PSMD11: variants seen among roughly 807,000 people sequenced by gnomAD.
PSMD11 encodes proteasome 26S subunit, non-ATPase 11, also known as 26S proteasome non-ATPase regulatory subunit 11.
PSMD11 carries 5 observed loss-of-function variants against 62.3 expected under a neutral mutation model. That is an observed-to-expected ratio of 0.08 (90% CI 0.04 to 0.17). The LOEUF is 0.17. Ranked by LOEUF, PSMD11 falls within the 10% of genes least tolerant of loss-of-function variation. PSMD11 has a pLI of 1.00. For synonymous variants in PSMD11, 191 were observed against 191.8 expected, an observed-to-expected ratio of 1.00 and a Z score of 0.03; for missense variants, 310 against 512.9, an observed-to-expected ratio of 0.60 and a Z score of 3.82.
chr17:32,454,015 A>G (rs1190782360), intron 2 of PSMD11, among the ~76,000 whole-genome samples: 1 of 152,228 alleles, frequency 6.6e-6, no homozygotes, highest in Admixed American at 6.5e-5. Context: ...AAGACAGGAA[A>G]AAGGAATCTG....
At chr17:32,464,372 A>G (rs956881800) in intron 4 of PSMD11, 149 bp from the exon 5 acceptor site, 35 of 730,280 alleles carry the variant, frequency 4.8e-5, no homozygotes, top group Non-Finnish European at 7.2e-5. Context: ...ATAGGAGACA[A>G]TACATTGGCT....
chr17:32,480,796 G>A lies in PSMD11; in HGVS notation c.*44G>A, dbSNP rs1444175351. The stretch of plus-strand genomic sequence containing the variant: ...CCTTTGGAGAGTGTGTGTGGCGGGA[G>A]AGTGAAACCTTGGGGGAAAATGCTA... On this transcript the variant is annotated 3_prime_UTR_variant, in exon 14 of 14. Transcript: ENST00000261712. 2 of 713,114 alleles carry A rather than the reference G, an allele frequency of 2.8e-6. No individual in the cohort carries two copies. Among genetic ancestry groups the A allele is most frequent in the Non-Finnish European group, 4.3e-6 (2 of 467,462 alleles). 44.2% of individuals were successfully genotyped at this position (713,114 alleles called of 1,614,324 possible). A position where few individuals can be genotyped will look rare whatever the true frequency, so the allele number is the denominator to read the frequency against.
Position 32,481,254 on chromosome 17 carries a change from T to A in PSMD11, c.*502T>A, listed in dbSNP as rs1157717096. On this transcript the variant is annotated 3_prime_UTR_variant, in exon 14 of 14. Coordinates refer to ENST00000261712, the MANE Select transcript of PSMD11 (RefSeq NM_002815.4). ...TTATTTGAAATGAGGCATTTTGGTG[T>A]TCTTTCCCCTACCATACGGCCTGTC... 1.3e-5 allele frequency: 2 copies of A among 154,300 alleles called. No homozygotes were observed. 9.6% of individuals were successfully genotyped at this position (154,300 alleles called of 1,614,324 possible). A position where few individuals can be genotyped will look rare whatever the true frequency, so the allele number is the denominator to read the frequency against.
chr17:32,464,785 G>A (rs762949635), intron 5 of PSMD11, among the ~76,000 whole-genome samples: 2 of 152,106 alleles, frequency 1.3e-5, no homozygotes, highest in Admixed American at 6.6e-5. Flanking sequence ...CAAATTTAGA[G>A]GACAAATGGG....
chr17:32,470,757 A>C (rs1022935465), intron 6 of PSMD11, among the ~76,000 whole-genome samples: 2 of 152,140 alleles, frequency 1.3e-5, no homozygotes, highest in African/African-American at 2.4e-5. Flanking sequence ...TTCTCTCTCT[A>C]TACTGGGAGA....
chr17:32,481,594 TTCTTTCCTCTCTGTCCCTTC>T lies in PSMD11; in HGVS notation c.*850_*869del. ...TCCTCTCCTGCATTCCTCTCCTCTC[TTCTTTCCTCTCTGTCCCTTC>T]TCTTTCCCCTCTCAACCAGGAGACC... On this transcript the variant is annotated 3_prime_UTR_variant, in exon 14 of 14. Coordinates refer to ENST00000261712, the MANE Select transcript of PSMD11 (RefSeq NM_002815.4). 1 of 152,084 alleles carries T rather than the reference TTCTTTCCTCTCTGTCCCTTC, an allele frequency of 6.6e-6. No homozygotes were observed. Among genetic ancestry groups the T allele is most frequent in the Non-Finnish European group, 1.5e-5 (1 of 68,026 alleles). The allele number at this position is 152,084 out of a possible 1,614,324, so 9.4% of individuals were successfully genotyped here. A position where few individuals can be genotyped will look rare whatever the true frequency, so the allele number is the denominator to read the frequency against.
chr17:32,449,236 C>G lies in PSMD11; in HGVS notation c.193+2190C>G, dbSNP rs1597829629. Among the ~76,000 whole-genome samples, 3 of 152,162 alleles carry G rather than the reference C, an allele frequency of 2.0e-5. No homozygotes were observed. The East Asian group carries it at 5.8e-4, about 29-fold the overall frequency. ...CTCTGGCAACATAATGAGACCCTGTCTCTACAAAAAATAGAAAAATTAGCT... is the reference window on the plus strand; with the variant it reads ...CTCTGGCAACATAATGAGACCCTGTGTCTACAAAAAATAGAAAAATTAGCT... On this transcript the variant is annotated intron_variant, in intron 2 of 13. Transcript: ENST00000261712.
In PSMD11 at chr17:32,483,173, T is replaced by C. The variant is rs987314737; in HGVS notation, c.*2421T>C. On this transcript the variant is annotated 3_prime_UTR_variant, in exon 14 of 14. Coordinates refer to ENST00000261712, the MANE Select transcript of PSMD11 (RefSeq NM_002815.4). ...GCAACGTGGCTGGTTCGAGCTGTGA[T>C]ACACTGCAAGTGTAAACACAAACCA... 63 of 152,376 alleles carry C rather than the reference T, an allele frequency of 4.1e-4. No individual in the cohort carries two copies. Among genetic ancestry groups the C allele is most frequent in the African/African-American group, 1.4e-3 (58 of 41,590 alleles). The allele number at this position is 152,376 out of a possible 1,614,324, so 9.4% of individuals were successfully genotyped here.
intron 3 of PSMD11, among the ~76,000 whole-genome samples, chr17:32,457,226 T>C (rs908102688): frequency 3.9e-5 from 6 of 152,194 alleles, no homozygotes; most frequent in Non-Finnish European, 5.9e-5. Context: ...CATTTTACTT[T>C]TTAGTAAAGG....
chr17:32,447,004 C>T lies in PSMD11; in HGVS notation c.151C>T (p.Leu51=). 6.2e-7 allele frequency: 1 copy of T among 1,612,892 alleles called. No individual in the cohort carries two copies. Among genetic ancestry groups the T allele is most frequent in the Non-Finnish European group, 8.5e-7 (1 of 1,179,408 alleles). Residue 51 remains leucine, a synonymous_variant, in exon 2 of 14, where the codon CTG becomes TTG. Transcript: ENST00000261712. Reference sequence around the variant, plus strand: ...AGTGCAAGTCAAAGAGCAGAGCATCCTGGAACTGGGATCTCTCCTGGCAAA... The same window carrying T: ...AGTGCAAGTCAAAGAGCAGAGCATCTTGGAACTGGGATCTCTCCTGGCAAA... ...EAVQVKEQSI[L]ELGSLLAKTG...
chr17:32,478,990 G>C (rs1472331257), intron 9 of PSMD11, among the ~76,000 whole-genome samples: 1 of 152,036 alleles, frequency 6.6e-6, no homozygotes, highest in Non-Finnish European at 1.5e-5. Flanking sequence ...GCCCAAGCTG[G>C]ACTTGAACTC....
At chr17:32,444,908 A>C in intron 1 of PSMD11, 1 of 485,944 alleles carries the variant, frequency 2.1e-6, no homozygotes, top group Non-Finnish European at 3.6e-6. Context: ...CTCCCTAGCC[A>C]TGTCCCCGGC....
At chr17:32,480,037 A>T in intron 11 of PSMD11, 109 bp from the exon 12 acceptor site, 3 of 1,490,850 alleles carry the variant, frequency 2.0e-6, no homozygotes, top group Non-Finnish European at 2.8e-6. Context: ...CATTGTTGCT[A>T]TTTTGTTTTC....
chr17:32,465,931 T>C (rs965707376), intron 5 of PSMD11, among the ~76,000 whole-genome samples: 5 of 152,052 alleles, frequency 3.3e-5, no homozygotes, highest in Non-Finnish European at 5.9e-5. Flanking sequence ...GCCAAGATTA[T>C]GCCACTGTAC....
At chr17:32,457,484 G>A (rs540608004) in intron 3 of PSMD11, among the ~76,000 whole-genome samples, 74 of 152,230 alleles carry the variant, frequency 4.9e-4, no homozygotes, top group Middle Eastern at 3.4e-3. Flanking sequence ...TGATCTGCCT[G>A]CCTTGCCCTT....
At position 32,482,732 on chromosome 17, in the gene PSMD11, C is replaced by T. The variant is rs1597847170; in HGVS notation, c.*1980C>T. 1 of 152,154 alleles carries T rather than the reference C, an allele frequency of 6.6e-6. No homozygotes were observed. 9.4% of individuals were successfully genotyped at this position (152,154 alleles called of 1,614,324 possible). ...TGAAGCTTAGTAAGTCATAGACGTG[C>T]AGGTGTCTGGAGAGTCCTGACATGC... On this transcript the variant is annotated 3_prime_UTR_variant, in exon 14 of 14. Coordinates refer to ENST00000261712, the MANE Select transcript of PSMD11 (RefSeq NM_002815.4).
At chr17:32,450,256 T>G (rs568535785) in intron 2 of PSMD11, among the ~76,000 whole-genome samples, 1 of 150,726 alleles carries the variant, frequency 6.6e-6, no homozygotes, top group Non-Finnish European at 1.5e-5. Flanking sequence ...CCACTGTGCC[T>G]GGCCTTTTTT....
intron 5 of PSMD11, 54 bp from the exon 6 acceptor site, chr17:32,468,944 TA>T: frequency 6.7e-7 from 1 of 1,482,286 alleles, no homozygotes; most frequent in South Asian, 1.3e-5. Context: ...GAGAGTGAGC[TA>T]TTATTAGGTA....
rs567220813 is a variant in PSMD11, at chr17:32,471,361, A to C, written c.643+2168A>C. Among the ~76,000 whole-genome samples, 4 of 152,358 alleles carry C rather than the reference A, an allele frequency of 2.6e-5. No individual in the cohort carries two copies. In the East Asian group the frequency reaches 5.8e-4, roughly 22 times the overall value. On this transcript the variant is annotated intron_variant, in intron 6 of 13. Transcript: ENST00000261712. ...AACTATGGTATATCAGTCTGAAGAA[A>C]TACTGCTTAGCCATGTATAATTAAG... is the stretch of plus-strand genomic sequence containing the variant.
Sources: allele counts gnomAD v4.1 joint callset (sites outside exome capture counted in the v4.1 genomes callset), GRCh38; gene constraint gnomAD v4.1.1; transcripts MANE v1.5; gene names NCBI Gene and HGNC (gene_info 2026-07-23, HGNC 2026-07-21).